TLN2: variants seen among roughly 807,000 people sequenced by gnomAD.
TLN2 encodes the protein talin-2.
A neutral mutation model predicts 294.7 loss-of-function variants in TLN2; 118 were observed. That is an observed-to-expected ratio of 0.40 (90% CI 0.34 to 0.47). The LOEUF (loss-of-function observed/expected upper bound fraction) is 0.47, where lower values mean the gene tolerates loss of function less well. TLN2 is among the 20% of genes least tolerant of loss of function. TLN2 has a pLI of 0.84. For missense variants in TLN2, 3,083 were observed against 3,282.2 expected, an observed-to-expected ratio of 0.94 and a Z score of 1.48; for synonymous variants, 1,431 against 1,304.5, an observed-to-expected ratio of 1.10 and a Z score of -2.09.
intron 12 of TLN2, among the ~76,000 whole-genome samples, chr15:62,690,079 G>A (rs1433218947): frequency 5.5e-4 from 53 of 95,672 alleles, no homozygotes; most frequent in Admixed American, 6.9e-4. Flanking sequence ...CGGACGGGGC[G>A]GCCGGCCGGG....
At position 62,800,705 on chromosome 15, in the gene TLN2, ATGAGGCCACCCGGGGCACCAGGGCGCT is replaced by A; in HGVS notation, c.6423_6449del (p.Arg2142_Thr2150del). The A allele has an allele frequency of 6.2e-7, 1 of 1,614,116 alleles. No individual in the cohort carries two copies. Among genetic ancestry groups the A allele is most frequent in the Non-Finnish European group, 8.5e-7 (1 of 1,180,006 alleles). ...CTCAAGACTGTAAAGGCAGTGGAGGATGAGGCCACCCGGGGCACCAGGGCGCTTGAGGCCACAATTGAATGCATAAAG... is the reference window on the plus strand; with the variant it reads ...CTCAAGACTGTAAAGGCAGTGGAGGATGAGGCCACAATTGAATGCATAAAG... On this transcript the variant is annotated inframe_deletion, in exon 50 of 59. Transcript: ENST00000636159.
Position 62,573,565 on chromosome 15 carries a change from C to A in TLN2, c.-237-16122C>A, listed in dbSNP as rs192688473. ...TCTATCTTGCATGCATGACAGGGGT[C>A]CCGTGGGGCCATGCACCCAGCTTCC... On this transcript the variant is annotated intron_variant, in intron 1 of 58. Coordinates refer to ENST00000636159, the MANE Select transcript of TLN2 (RefSeq NM_015059.3). Among the ~76,000 whole-genome samples the A allele has an allele frequency of 6.6e-4, 101 of 152,190 alleles. 2 individuals are homozygous for A. In the East Asian group the frequency reaches 0.018, roughly 27 times the overall value.
intron 14 of TLN2, among the ~76,000 whole-genome samples, chr15:62,697,298 G>A (rs926447515): frequency 1.3e-5 from 2 of 151,940 alleles, no homozygotes; most frequent in African/African-American, 4.8e-5. Flanking sequence ...TTGTAGAGAC[G>A]AGGTCTCATT....
chr15:62,605,188 G>A (rs1205773960), intron 2 of TLN2, among the ~76,000 whole-genome samples: 1 of 152,168 alleles, frequency 6.6e-6, no homozygotes, highest in Non-Finnish European at 1.5e-5. Flanking sequence ...GTTTATGAAT[G>A]AGGTGAATTA....
intron 9 of TLN2, among the ~76,000 whole-genome samples, chr15:62,672,795 G>C (rs2055585711): frequency 6.6e-6 from 1 of 152,034 alleles, no homozygotes; most frequent in Non-Finnish European, 1.5e-5. Context: ...GGTGGTGTCG[G>C]GGGGTTGCCA....
At chr15:62,732,469 C>T (rs773098283) in intron 28 of TLN2, among the ~76,000 whole-genome samples, 10 of 152,248 alleles carry the variant, frequency 6.6e-5, no homozygotes, top group Non-Finnish European at 8.8e-5. Context: ...AAGAGGATAA[C>T]GCTGAAAAGT....
At chr15:62,559,748 C>T (rs2042811331) in intron 1 of TLN2, among the ~76,000 whole-genome samples, 1 of 152,244 alleles carries the variant, frequency 6.6e-6, no homozygotes, top group Admixed American at 6.5e-5. Flanking sequence ...CCTTGGGGAT[C>T]ACCAGAACTG....
At chr15:62,460,443 A>G (rs2036735194) in intron 1 of TLN2, among the ~76,000 whole-genome samples, 1 of 152,066 alleles carries the variant, frequency 6.6e-6, no homozygotes, top group African/African-American at 2.4e-5. Context: ...TTGTATTTTT[A>G]GTAGAGACGG....
At chr15:62,831,053 A>AAG (rs1315334503) in intron 54 of TLN2, 1 of 151,714 alleles carries the variant, frequency 6.6e-6, no homozygotes, top group African/African-American at 2.4e-5. Flanking sequence ...AAAAAAAAAA[A>AAG]AAACTCCAGG....
At chr15:62,461,347 G>A (rs948914697) in intron 1 of TLN2, among the ~76,000 whole-genome samples, 1 of 152,102 alleles carries the variant, frequency 6.6e-6, no homozygotes, top group Non-Finnish European at 1.5e-5. Flanking sequence ...CTCCATCTTC[G>A]TGTGAGTTGT....
chr15:62,563,041 T>C (rs900578706), intron 1 of TLN2, among the ~76,000 whole-genome samples: 1 of 152,094 alleles, frequency 6.6e-6, no homozygotes, highest in Non-Finnish European at 1.5e-5. Context: ...TTGCGAATTG[T>C]GCTGCTATAA....
At chr15:62,773,100 C>T (rs2063459044) in intron 42 of TLN2, among the ~76,000 whole-genome samples, 1 of 104,660 alleles carries the variant, frequency 9.6e-6, no homozygotes, top group Non-Finnish European at 2.0e-5. Flanking sequence ...TACCAGAAAG[C>T]TTACAGTGCT....
At chr15:62,820,442 G>T in intron 53 of TLN2, 44 bp from the exon 54 acceptor site, 1 of 1,607,980 alleles carries the variant, frequency 6.2e-7, no homozygotes. Context: ...AGTGCCCTGA[G>T]GTCTGCAGCT....
intron 10 of TLN2, 52 bp from the exon 11 acceptor site, chr15:62,675,165 C>A: frequency 6.4e-7 from 1 of 1,556,812 alleles, no homozygotes; most frequent in Non-Finnish European, 8.9e-7. Flanking sequence ...TCTCCAAGTC[C>A]ACCTGCTGGC....
chr15:62,498,899 G>A (rs1349407374), intron 1 of TLN2, among the ~76,000 whole-genome samples: 1 of 152,186 alleles, frequency 6.6e-6, no homozygotes, highest in East Asian at 1.9e-4. Flanking sequence ...CTGTACAGGG[G>A]TTATTGTTCT....
Position 62,738,300 on chromosome 15 carries a change from C to A in TLN2, c.3654C>A (p.Ile1218=). 1 of 1,614,098 alleles carries A rather than the reference C, an allele frequency of 6.2e-7. No homozygotes were observed. ...ATGTGGACGTGGCCTTGAAGAGCAT[C>A]GGGGAGTCCAGCAAGAAGCTGCTTG... ...QKDVDVALKS[I]GESSKKLLVD... The change falls in exon 30 of 59, where the codon ATC becomes ATA. Residue 1218 remains isoleucine, a synonymous_variant. Coordinates refer to ENST00000636159, the MANE Select transcript of TLN2 (RefSeq NM_015059.3).
At chr15:62,598,064 A>C (rs951031476) in intron 2 of TLN2, among the ~76,000 whole-genome samples, 1 of 152,190 alleles carries the variant, frequency 6.6e-6, no homozygotes, top group Non-Finnish European at 1.5e-5. Flanking sequence ...GGCCTGATCT[A>C]TAAAATTTGC....
At chr15:62,728,068 C>T (rs551057670) in intron 28 of TLN2, among the ~76,000 whole-genome samples, 1 of 152,278 alleles carries the variant, frequency 6.6e-6, no homozygotes, top group East Asian at 1.9e-4. Flanking sequence ...GAAGCCACTA[C>T]CAGGATCGAG....
rs1472106372 is a variant in TLN2, at chr15:62,604,691, CTTCT to C, written c.-161-13657_-161-13654del. Among the ~76,000 whole-genome samples the C allele has an allele frequency of 3.9e-5, 5 of 127,796 alleles. No individual in the cohort carries two copies. The South Asian group carries it at 8.3e-4, about 21-fold the overall frequency. The allele number at this position is 127,796 out of a possible 152,430, so 83.8% of individuals were successfully genotyped here. A position where few individuals can be genotyped will look rare whatever the true frequency, so the allele number is the denominator to read the frequency against. On this transcript the variant is annotated intron_variant, in intron 2 of 58. Transcript: ENST00000636159. The stretch of plus-strand genomic sequence containing the variant: ...TGGAAAGTGGATTTCTTCTCTTCGT[CTTCT>C]TTTTTTTTTTTTTTTAATTATTTGA...
Sources: allele counts gnomAD v4.1 joint callset (sites outside exome capture counted in the v4.1 genomes callset), GRCh38; gene constraint gnomAD v4.1.1; transcripts MANE v1.5; gene names NCBI Gene and HGNC (gene_info 2026-07-23, HGNC 2026-07-21).